DEPDC1B: variants seen among roughly 807,000 people sequenced by gnomAD.
DEPDC1B encodes the protein DEP domain containing 1B, also known as DEP domain-containing protein 1B.
Under a neutral mutation model 66.5 loss-of-function variants are expected in DEPDC1B, and 51 were observed. The observed-to-expected ratio is 0.77, with a 90% CI of 0.61 to 0.97. The LOEUF (loss-of-function observed/expected upper bound fraction) is 0.97, where lower values mean the gene tolerates loss of function less well. DEPDC1B is among the 50% of genes least tolerant of loss of function. The probability of loss-of-function intolerance (pLI) is 0.00; values close to 1 mark genes in which losing one functional copy is unlikely to be tolerated. For missense variants in DEPDC1B, 552 were observed against 637.1 expected, an observed-to-expected ratio of 0.87 and a Z score of 1.44; for synonymous variants, 226 against 223.6, an observed-to-expected ratio of 1.01 and a Z score of -0.10.
intron 2 of DEPDC1B, among the ~76,000 whole-genome samples, chr5:60,652,859 G>GT (rs1180365241): frequency 1.3e-5 from 2 of 149,146 alleles, no homozygotes; most frequent in African/African-American, 2.5e-5. Flanking sequence ...GCAATGTTTG[G>GT]TTTTTTATTC....
intron 2 of DEPDC1B, among the ~76,000 whole-genome samples, chr5:60,651,749 T>C (rs956068689): frequency 6.6e-6 from 1 of 152,048 alleles, no homozygotes; most frequent in African/African-American, 2.4e-5. Context: ...TGAAACAGTA[T>C]GGAAGGTGGA....
intron 7 of DEPDC1B, among the ~76,000 whole-genome samples, chr5:60,612,428 A>AC (rs920032491): frequency 6.6e-6 from 1 of 151,588 alleles, no homozygotes; most frequent in Non-Finnish European, 1.5e-5. Context: ...ACCTAAAAAA[A>AC]AAAAAAAAAA....
intron 2 of DEPDC1B, among the ~76,000 whole-genome samples, chr5:60,682,455 T>C (rs1754317126): frequency 6.6e-6 from 1 of 152,128 alleles, no homozygotes; most frequent in Non-Finnish European, 1.5e-5. Flanking sequence ...ACATGACACA[T>C]GTATACATAT....
chr5:60,684,114 T>A (rs1346814550), intron 2 of DEPDC1B, among the ~76,000 whole-genome samples: 2 of 151,800 alleles, frequency 1.3e-5, no homozygotes, highest in Non-Finnish European at 2.9e-5. Flanking sequence ...CACAAAAAAA[T>A]GGAAAGACAT....
intron 7 of DEPDC1B, among the ~76,000 whole-genome samples, chr5:60,615,482 G>C (rs1181000770): frequency 6.6e-6 from 1 of 152,164 alleles, no homozygotes; most frequent in Non-Finnish European, 1.5e-5. Context: ...TTAGCAAATG[G>C]CACACCAGGA....
intron 2 of DEPDC1B, among the ~76,000 whole-genome samples, chr5:60,685,555 GT>G (rs1754393845): frequency 6.6e-6 from 1 of 152,138 alleles, no homozygotes; most frequent in Non-Finnish European, 1.5e-5. Context: ...AGTGAAACAT[GT>G]TCTGGCAGTT....
intron 7 of DEPDC1B, among the ~76,000 whole-genome samples, chr5:60,613,383 T>TAATGTA (rs1206922863): frequency 6.6e-6 from 1 of 152,226 alleles, no homozygotes; most frequent in Non-Finnish European, 1.5e-5. Context: ...TGAGAATCAT[T>TAATGTA]AATGTATTCA....
At chr5:60,641,593 C>T (rs752259685) in intron 6 of DEPDC1B, among the ~76,000 whole-genome samples, 18 of 151,972 alleles carry the variant, frequency 1.2e-4, no homozygotes, top group East Asian at 7.8e-4. Context: ...CCCAAAGTGC[C>T]GGGATTACAG....
Position 60,627,763 on chromosome 5 carries a change from C to A in DEPDC1B, c.898+10987G>T, listed in dbSNP as rs77265492. The stretch of plus-strand genomic sequence containing the variant: ...GGCTGGATATCAACATATGATTATT[C>A]CATCTTAACTAATACATTATGCCAA... On this transcript the variant is annotated intron_variant, in intron 7 of 10. Coordinates refer to ENST00000265036, the MANE Select transcript of DEPDC1B (RefSeq NM_018369.3). Among the ~76,000 whole-genome samples the A allele has an allele frequency of 3.0e-4, 45 of 152,104 alleles. No individual in the cohort carries two copies. The East Asian group carries it at 8.7e-3, about 29-fold the overall frequency.
At chr5:60,672,089 C>T (rs1406773587) in intron 2 of DEPDC1B, among the ~76,000 whole-genome samples, 1 of 152,210 alleles carries the variant, frequency 6.6e-6, no homozygotes, top group Non-Finnish European at 1.5e-5. Flanking sequence ...CAAATATTCA[C>T]TATCTGGCCC....
chr5:60,615,628 T>C (rs1246697929), intron 7 of DEPDC1B, among the ~76,000 whole-genome samples: 1 of 152,040 alleles, frequency 6.6e-6, no homozygotes, highest in Non-Finnish European at 1.5e-5. Flanking sequence ...CAGGCTTGAG[T>C]AGGTAAAGCA....
At chr5:60,686,428 G>A (rs1018742338) in intron 2 of DEPDC1B, among the ~76,000 whole-genome samples, 5 of 152,108 alleles carry the variant, frequency 3.3e-5, no homozygotes, top group South Asian at 2.1e-4. Flanking sequence ...ATTATCTGGC[G>A]GTAAGTGTCC....
At chr5:60,667,589 T>TG (rs552242977) in intron 2 of DEPDC1B, among the ~76,000 whole-genome samples, 45 of 137,762 alleles carry the variant, frequency 3.3e-4, no homozygotes, top group African/African-American at 1.3e-3. Context: ...TTTACATATA[T>TG]AAAAATGGAT....
intron 2 of DEPDC1B, among the ~76,000 whole-genome samples, chr5:60,663,556 TCTGA>T (rs1431851756): frequency 6.6e-6 from 1 of 152,184 alleles, no homozygotes; most frequent in Non-Finnish European, 1.5e-5. Context: ...CCCCGTACAT[TCTGA>T]CTCTCAATTC....
intron 6 of DEPDC1B, among the ~76,000 whole-genome samples, chr5:60,641,483 C>T (rs1753190863): frequency 6.6e-6 from 1 of 151,834 alleles, no homozygotes; most frequent in Non-Finnish European, 1.5e-5. Context: ...CGCCACCAAG[C>T]CCAGCTAATT....
chr5:60,647,709 A>T (rs905619501), intron 2 of DEPDC1B, 176 bp from the exon 3 acceptor site: 2 of 516,082 alleles, frequency 3.9e-6, no homozygotes, highest in Admixed American at 8.5e-5. Flanking sequence ...TGATAAAGAA[A>T]AGAAAGGTGA....
rs1752651050 is a variant in DEPDC1B, at chr5:60,619,529, C to T, written c.899-13673G>A. Among the ~76,000 whole-genome samples, 3 of 152,286 alleles carry T rather than the reference C, an allele frequency of 2.0e-5. No homozygotes were observed. The South Asian group carries it at 6.2e-4, about 32-fold the overall frequency. On this transcript the variant is annotated intron_variant, in intron 7 of 10. Transcript: ENST00000265036. ...CAGAGAGCCAAATCACGAGTGAACT[C>T]CCATTCACAATTGCTTCAAACAGAA...
chr5:60,637,612 A>C (rs1753073264), intron 7 of DEPDC1B, among the ~76,000 whole-genome samples: 1 of 152,224 alleles, frequency 6.6e-6, no homozygotes, highest in African/African-American at 2.4e-5. Flanking sequence ...AAGCAACAGC[A>C]AATATTCATC....
At chr5:60,660,103 C>T (rs908939290) in intron 2 of DEPDC1B, among the ~76,000 whole-genome samples, 32 of 151,918 alleles carry the variant, frequency 2.1e-4, no homozygotes, top group African/African-American at 5.8e-4. Context: ...AACAAGCAAA[C>T]GTCCTTCCAC....
Sources: gnomAD v4.1 joint callset for allele counts (sites outside exome capture counted in the v4.1 genomes callset) on GRCh38, gnomAD v4.1.1 for gene constraint, MANE v1.5 for transcripts, NCBI Gene and HGNC (gene_info 2026-07-23, HGNC 2026-07-21) for gene names.